The following CPQ variants were observed in gnomAD, a reference collection of about 807,000 sequenced individuals.
The protein encoded by CPQ is Ser-Met dipeptidase.
CPQ carries 37 observed loss-of-function variants against 45.7 expected under a neutral mutation model. The ratio of observed to expected loss-of-function variants is 0.81; its 90% CI spans 0.62 to 1.07. The LOEUF (loss-of-function observed/expected upper bound fraction) is 1.07, where lower values mean the gene tolerates loss of function less well. CPQ is among the 50% of genes least tolerant of loss of function. The probability of loss-of-function intolerance (pLI) is 0.00; values close to 1 mark genes in which losing one functional copy is unlikely to be tolerated. For missense variants in CPQ, 537 were observed against 572.9 expected (o/e 0.94, Z 0.64); for synonymous variants, 186 against 205.8 (o/e 0.90, Z 0.82).
At chr8:96,853,966 C>T (rs1008319827) in intron 3 of CPQ, among the ~76,000 whole-genome samples, 1 of 152,128 alleles carries the variant, frequency 6.6e-6, no homozygotes, top group African/African-American at 2.4e-5. Context: ...TATTCTAACC[C>T]CACACAGCAA....
chr8:97,012,059 C>A (rs539511291), intron 5 of CPQ, among the ~76,000 whole-genome samples: 1 of 152,234 alleles, frequency 6.6e-6, no homozygotes, highest in South Asian at 2.1e-4. Context: ...AATGTGGGAA[C>A]TTTTTACCCT....
At chr8:96,935,130 C>T (rs1813027589) in intron 4 of CPQ, among the ~76,000 whole-genome samples, 1 of 152,122 alleles carries the variant, frequency 6.6e-6, no homozygotes, top group Admixed American at 6.5e-5. Context: ...TTTGCCTCTC[C>T]TTCACAAGGC....
At chr8:96,929,220 T>C (rs1812937588) in intron 4 of CPQ, among the ~76,000 whole-genome samples, 1 of 152,138 alleles carries the variant, frequency 6.6e-6, no homozygotes, top group Non-Finnish European at 1.5e-5. Context: ...ACAAAGACCC[T>C]TTCAAAGGCA....
intron 4 of CPQ, among the ~76,000 whole-genome samples, chr8:96,935,098 G>A (rs11994185): frequency 0.077 from 11,669 of 152,158 alleles, 845 homozygotes; most frequent in African/African-American, 0.19. Flanking sequence ...GCTGAATCCA[G>A]GTTTCCAGAA....
At chr8:96,844,525 T>G (rs1364089413) in intron 3 of CPQ, among the ~76,000 whole-genome samples, 1 of 152,236 alleles carries the variant, frequency 6.6e-6, no homozygotes, top group Non-Finnish European at 1.5e-5. Context: ...AGTGTGAGCC[T>G]GTTTTCTCAT....
At chr8:96,994,225 G>A (rs984590041) in intron 5 of CPQ, among the ~76,000 whole-genome samples, 2 of 152,142 alleles carry the variant, frequency 1.3e-5, no homozygotes, top group African/African-American at 2.4e-5. Context: ...TGTCTATTGA[G>A]ACAGCTAGGG....
chr8:96,981,340 G>A (rs1813892044), intron 5 of CPQ, among the ~76,000 whole-genome samples: 1 of 152,126 alleles, frequency 6.6e-6, no homozygotes, highest in African/African-American at 2.4e-5. Context: ...TTGAGTTGTT[G>A]CTCTGATTAA....
intron 1 of CPQ, among the ~76,000 whole-genome samples, chr8:96,661,860 T>A (rs1815705510): frequency 6.6e-6 from 1 of 152,202 alleles, no homozygotes; most frequent in Admixed American, 6.5e-5. Flanking sequence ...TAAGAAACTG[T>A]CAAACTATTT....
intron 7 of CPQ, among the ~76,000 whole-genome samples, chr8:97,071,615 TC>T (rs1810745088): frequency 6.6e-6 from 1 of 152,186 alleles, no homozygotes; most frequent in Non-Finnish European, 1.5e-5. Flanking sequence ...TACAGCAGCC[TC>T]CTAGTAATAT....
chr8:96,907,796 T>C (rs1298335800), intron 4 of CPQ, among the ~76,000 whole-genome samples: 2 of 152,094 alleles, frequency 1.3e-5, no homozygotes, highest in African/African-American at 4.8e-5. Flanking sequence ...CCTGTACAGG[T>C]CATGAGAAAA....
chr8:96,881,589 G>A (rs1812223843), intron 4 of CPQ, among the ~76,000 whole-genome samples: 1 of 152,152 alleles, frequency 6.6e-6, no homozygotes, highest in Admixed American at 6.5e-5. Context: ...TTATAGGTGA[G>A]AAAACAAACC....
At chr8:96,717,709 TA>T (rs1440915281) in intron 1 of CPQ, among the ~76,000 whole-genome samples, 1 of 152,134 alleles carries the variant, frequency 6.6e-6, no homozygotes, top group Non-Finnish European at 1.5e-5. Flanking sequence ...GTTAAGCTAC[TA>T]GGACACATGG....
rs756131557 is a variant in CPQ at position 96,785,337 on chromosome 8, T to C, written c.433+7T>C. The C allele has an allele frequency of 6.4e-7, 1 of 1,574,406 alleles. No individual in the cohort carries two copies. Among genetic ancestry groups the C allele is most frequent in the East Asian group, 2.3e-5 (1 of 44,290 alleles). On this transcript the variant is annotated splice_region_variant and intron_variant, in intron 2 of 7. Transcript: ENST00000220763. ...ATTGGGACTCCTCCAGAAGGTATTGTTTGTCTTTTCAGTTTGATTTGTATT... is the reference window on the plus strand; with the variant it reads ...ATTGGGACTCCTCCAGAAGGTATTGCTTGTCTTTTCAGTTTGATTTGTATT...
Position 96,835,190 on chromosome 8 carries a change from A to T in CPQ, c.641+10A>T. The T allele has an allele frequency of 6.9e-7, 1 of 1,439,802 alleles. No homozygotes were observed. The highest frequency in any genetic ancestry group is 9.2e-7 in the Non-Finnish European group (1 of 1,088,278). The allele number at this position is 1,439,802 out of a possible 1,614,324, so 89.2% of individuals were successfully genotyped here. Reference sequence around the variant, plus strand: ...CCTTCTCCATCTACAGGTTTGTCACAATGTTCATTTGAATTCCTTTCAAAA... The same window carrying T: ...CCTTCTCCATCTACAGGTTTGTCACTATGTTCATTTGAATTCCTTTCAAAA... On this transcript the variant is annotated intron_variant, in intron 3 of 7. Coordinates refer to ENST00000220763, the MANE Select transcript of CPQ (RefSeq NM_016134.4).
intron 1 of CPQ, among the ~76,000 whole-genome samples, chr8:96,716,356 G>T (rs1809672619): frequency 6.6e-6 from 1 of 151,784 alleles, no homozygotes; most frequent in Admixed American, 6.6e-5. Flanking sequence ...TAGATTTTAA[G>T]GGAACAGGTG....
intron 1 of CPQ, among the ~76,000 whole-genome samples, chr8:96,747,216 A>G (rs752521542): frequency 2.7e-5 from 4 of 150,292 alleles, no homozygotes; most frequent in Non-Finnish European, 4.4e-5. Context: ...GCTTGAACCC[A>G]GGAGGTGGAG....
chr8:97,023,022 A>ATGTATATACTATATATATATAC (rs1563557124), intron 5 of CPQ, among the ~76,000 whole-genome samples: 1 of 146,784 alleles, frequency 6.8e-6, no homozygotes, highest in African/African-American at 2.5e-5. Flanking sequence ...TATATAGTAT[A>ATGTATATACTATATATATATAC]TATATACAGT....
chr8:96,771,339 C>A (rs974369062), intron 1 of CPQ, among the ~76,000 whole-genome samples: 7 of 151,746 alleles, frequency 4.6e-5, no homozygotes, highest in African/African-American at 1.7e-4. Flanking sequence ...GCCATTGGTA[C>A]AATCTATAGA....
At chr8:96,912,787 C>A (rs1270899131) in intron 4 of CPQ, among the ~76,000 whole-genome samples, 3 of 152,276 alleles carry the variant, frequency 2.0e-5, no homozygotes, top group African/African-American at 7.2e-5. Flanking sequence ...GAGATCAAAT[C>A]TCCCTCGGCT....
Sources: gnomAD v4.1 joint callset for allele counts (sites outside exome capture counted in the v4.1 genomes callset) on GRCh38, gnomAD v4.1.1 for gene constraint, MANE v1.5 for transcripts, NCBI Gene and HGNC (gene_info 2026-07-23, HGNC 2026-07-21) for gene names.